MAGI1: variants seen among roughly 807,000 people sequenced by gnomAD.
MAGI1 encodes the protein membrane associated guanylate kinase, WW and PDZ domain containing 1, also known as membrane-associated guanylate kinase, WW and PDZ domain-containing protein 1.
In MAGI1, 58 loss-of-function variants were observed where a neutral mutation model predicts 139.9. The ratio of observed to expected loss-of-function variants is 0.41; its 90% CI spans 0.34 to 0.52. The LOEUF (loss-of-function observed/expected upper bound fraction) is 0.52. MAGI1 is among the 20% of genes least tolerant of loss of function. MAGI1 has a pLI of 0.12. For synonymous variants in MAGI1, 812 were observed against 737.9 expected, an observed-to-expected ratio of 1.10 and a Z score of -1.63; for missense variants, 1,874 against 1,901.6, an observed-to-expected ratio of 0.99 and a Z score of 0.27.
intron 1 of MAGI1, among the ~76,000 whole-genome samples, chr3:65,745,976 C>T (rs1230519301): frequency 6.6e-6 from 1 of 152,154 alleles, no homozygotes; most frequent in African/African-American, 2.4e-5. Flanking sequence ...GTGATCTACC[C>T]ACCTCAGCTT....
chr3:65,876,934 G>T (rs564601918), intron 1 of MAGI1, among the ~76,000 whole-genome samples: 1 of 151,892 alleles, frequency 6.6e-6, no homozygotes, highest in East Asian at 1.9e-4. Context: ...TAGTAGAGAC[G>T]GGGTTTCACC....
intron 1 of MAGI1, among the ~76,000 whole-genome samples, chr3:65,841,173 C>A (rs955826808): frequency 3.3e-5 from 5 of 151,918 alleles, no homozygotes; most frequent in African/African-American, 1.2e-4. Flanking sequence ...ATCTTTTTTT[C>A]TATTTGTTAG....
intron 1 of MAGI1, among the ~76,000 whole-genome samples, chr3:65,886,873 G>C (rs2060553391): frequency 6.6e-6 from 1 of 152,164 alleles, no homozygotes; most frequent in Non-Finnish European, 1.5e-5. Flanking sequence ...AAAATAACCA[G>C]TATTGAACCA....
At chr3:65,434,787 G>A (rs1219953060) in intron 10 of MAGI1, among the ~76,000 whole-genome samples, 1 of 152,152 alleles carries the variant, frequency 6.6e-6, no homozygotes, top group African/African-American at 2.4e-5. Flanking sequence ...GATTATAAAA[G>A]TGCTTGAAAC....
chr3:65,540,842 T>C (rs1236043679), intron 2 of MAGI1, among the ~76,000 whole-genome samples: 1 of 152,118 alleles, frequency 6.6e-6, no homozygotes, highest in Non-Finnish European at 1.5e-5. Flanking sequence ...TAAAATATAA[T>C]AACCAGTCTG....
chr3:65,525,216 C>G (rs373257979), intron 2 of MAGI1, among the ~76,000 whole-genome samples: 1 of 152,156 alleles, frequency 6.6e-6, no homozygotes. Flanking sequence ...GATGTCAAAG[C>G]CACACCACCT....
intron 1 of MAGI1, among the ~76,000 whole-genome samples, chr3:65,715,955 G>T (rs575986979): frequency 1.1e-4 from 16 of 152,306 alleles, no homozygotes; most frequent in African/African-American, 3.8e-4. Context: ...AGAGGTGTTG[G>T]AAGTGGTTTG....
rs775012081 is a variant in MAGI1, at chr3:65,379,428, G to A, written c.2828C>T (p.Ser943Leu). 2 of 1,613,632 alleles carry A rather than the reference G, an allele frequency of 1.2e-6. No homozygotes were observed. The highest frequency in any genetic ancestry group is 1.7e-6 in the Non-Finnish European group (2 of 1,179,706). The change falls in exon 17 of 23, where the codon TCG (serine) becomes TTG (leucine). Residue 943 changes from serine (S) to leucine (L), a missense_variant. Transcript: ENST00000402939. ...GSQNSLNTVSSGSGSTSGIGS... is the reference protein window; with the variant it reads ...GSQNSLNTVSLGSGSTSGIGS... ...GATGCCGCTGGTGCTGCCGCTGCCC[G>A]AGCTCACCGTGTTCAGCGAGTTCTG...
chr3:65,411,904 T>C (rs1315213489), intron 12 of MAGI1, among the ~76,000 whole-genome samples: 1 of 152,102 alleles, frequency 6.6e-6, no homozygotes, highest in Non-Finnish European at 1.5e-5. Flanking sequence ...TCCAAGTTCA[T>C]CTCCACTGCC....
At chr3:65,795,575 C>A (rs1299251906) in intron 1 of MAGI1, among the ~76,000 whole-genome samples, 2 of 152,010 alleles carry the variant, frequency 1.3e-5, no homozygotes, top group African/African-American at 2.4e-5. Context: ...CACTGGATGG[C>A]CCTGTAGTAT....
intron 14 of MAGI1, among the ~76,000 whole-genome samples, chr3:65,386,937 CAGACTTGACA>C (rs1943489022): frequency 6.6e-6 from 1 of 152,144 alleles, no homozygotes; most frequent in Non-Finnish European, 1.5e-5. Context: ...AACACATTTC[CAGACTTGACA>C]AGGGCATGCA....
At chr3:65,976,671 C>T (rs776210835) in intron 1 of MAGI1, among the ~76,000 whole-genome samples, 2 of 152,086 alleles carry the variant, frequency 1.3e-5, no homozygotes, top group African/African-American at 2.4e-5. Flanking sequence ...ATGAGTTTGT[C>T]GATGGCTAAA....
chr3:65,744,026 GTGTTT>G (rs2035491139), intron 1 of MAGI1, among the ~76,000 whole-genome samples: 1 of 151,954 alleles, frequency 6.6e-6, no homozygotes, highest in Non-Finnish European at 1.5e-5. Flanking sequence ...ATGTATTTGG[GTGTTT>G]TGTTTTGTTC....
At chr3:65,596,167 T>G (rs1188301560) in intron 2 of MAGI1, among the ~76,000 whole-genome samples, 1 of 152,208 alleles carries the variant, frequency 6.6e-6, no homozygotes, top group East Asian at 1.9e-4. Context: ...TTATAGATGA[T>G]AAAAGACAAG....
intron 1 of MAGI1, among the ~76,000 whole-genome samples, chr3:65,658,888 G>A (rs1352917582): frequency 2.2e-4 from 33 of 152,158 alleles, no homozygotes; most frequent in Admixed American, 6.5e-5. Context: ...ATATCCACAT[G>A]AGCATGCAAT....
intron 2 of MAGI1, among the ~76,000 whole-genome samples, chr3:65,526,195 T>C (rs1576186069): frequency 1.3e-5 from 2 of 152,220 alleles, no homozygotes; most frequent in Admixed American, 6.5e-5. Context: ...TTTTCTTTTT[T>C]TCCTGCCCTC....
chr3:65,762,773 G>A (rs566277993), intron 1 of MAGI1, among the ~76,000 whole-genome samples: 40 of 152,198 alleles, frequency 2.6e-4, no homozygotes, highest in African/African-American at 9.2e-4. Flanking sequence ...TTCTACAGAT[G>A]AGGAAACTGA....
intron 20 of MAGI1, among the ~76,000 whole-genome samples, 163 bp from the exon 21 acceptor site, chr3:65,363,771 A>G (rs1057247145): frequency 6.6e-6 from 1 of 152,232 alleles, no homozygotes. Context: ...TCACAGATCC[A>G]GAATTTGAAA....
In MAGI1 at chr3:65,627,485, C is replaced by CTTTTTTTTTTTTTTTTTTT. The variant is rs779588733; in HGVS notation, c.314-5416_314-5398dup. On this transcript the variant is annotated intron_variant, in intron 1 of 22. Coordinates refer to ENST00000402939, the MANE Select transcript of MAGI1 (RefSeq NM_001033057.2). Reference sequence around the variant, plus strand: ...TTGCCGTTATTTTATATTTCTGTATCTTTTTTTTTTTTTTTTTTTTTTTTT... The same window carrying CTTTTTTTTTTTTTTTTTTT: ...TTGCCGTTATTTTATATTTCTGTATCTTTTTTTTTTTTTTTTTTTTTTTTTTTTTTTTTTTTTTTTTTTT... 5.3e-4 allele frequency among the ~76,000 whole-genome samples: 15 copies of CTTTTTTTTTTTTTTTTTTT among 28,356 alleles called. 2 individuals are homozygous for CTTTTTTTTTTTTTTTTTTT. Among genetic ancestry groups the CTTTTTTTTTTTTTTTTTTT allele is most frequent in the Non-Finnish European group, 7.7e-4 (11 of 14,350 alleles). 18.6% of individuals were successfully genotyped at this position (28,356 alleles called of 152,430 possible). A position where few individuals can be genotyped will look rare whatever the true frequency, so the allele number is the denominator to read the frequency against.
Sources: allele counts gnomAD v4.1 joint callset (sites outside exome capture counted in the v4.1 genomes callset), GRCh38; gene constraint gnomAD v4.1.1; transcripts MANE v1.5; gene names NCBI Gene and HGNC (gene_info 2026-07-23, HGNC 2026-07-21).